The following MEF2A variants were observed in gnomAD, a reference collection of about 807,000 sequenced individuals.
MEF2A encodes myocyte-specific enhancer factor 2A.
In MEF2A, 28 loss-of-function variants were observed where a neutral mutation model predicts 55.8. The ratio of observed to expected loss-of-function variants is 0.50; its 90% CI spans 0.37 to 0.69. The LOEUF (loss-of-function observed/expected upper bound fraction) is 0.69, where lower values mean the gene tolerates loss of function less well. Ranked by LOEUF, MEF2A falls within the 30% of genes least tolerant of loss-of-function variation. The pLI is 0.00. For synonymous variants in MEF2A, 239 were observed against 227.1 expected (o/e 1.05, Z -0.47); for missense variants, 528 against 626.2 (o/e 0.84, Z 1.67).
intron 4 of MEF2A, among the ~76,000 whole-genome samples, chr15:99,661,495 TATAAA>T: frequency 6.6e-6 from 1 of 151,738 alleles, no homozygotes; most frequent in South Asian, 2.1e-4. Flanking sequence ...ATTGACTACT[TATAAA>T]ATAATTACTA....
intron 4 of MEF2A, among the ~76,000 whole-genome samples, chr15:99,647,827 A>C (rs558115882): frequency 5.3e-5 from 8 of 152,162 alleles, no homozygotes; most frequent in African/African-American, 1.9e-4. Context: ...ACATTAGATT[A>C]TTAGGGATTA....
intron 2 of MEF2A, among the ~76,000 whole-genome samples, chr15:99,602,624 G>A (rs1243671054): frequency 2.7e-5 from 4 of 149,728 alleles, no homozygotes; most frequent in South Asian, 2.1e-4. Context: ...CTGCCTGACC[G>A]TCACCTGGTG....
intron 5 of MEF2A, among the ~76,000 whole-genome samples, chr15:99,673,083 G>T (rs1481483027): frequency 6.6e-6 from 1 of 152,156 alleles, no homozygotes; most frequent in Non-Finnish European, 1.5e-5. Context: ...TCCCCTTGGA[G>T]ACACTGAATA....
intron 7 of MEF2A, among the ~76,000 whole-genome samples, chr15:99,680,467 A>T (rs1426450548): frequency 6.6e-6 from 1 of 152,208 alleles, no homozygotes; most frequent in East Asian, 1.9e-4. Flanking sequence ...GTGGCATTGT[A>T]AATTAGTAAC....
intron 2 of MEF2A, among the ~76,000 whole-genome samples, chr15:99,606,586 C>A (rs1227539927): frequency 1.3e-5 from 2 of 151,936 alleles, no homozygotes; most frequent in African/African-American, 4.8e-5. Flanking sequence ...AAAAATACTT[C>A]ACAAAAGAAA....
In MEF2A at chr15:99,579,443, G is replaced by A. The variant is rs528655793; in HGVS notation, c.-225+13339G>A. ...AGAGTCTCACTCTGTCACCCAGGCT[G>A]GAATGCAGTGGCGTGATCTCAGCTC... is the stretch of plus-strand genomic sequence containing the variant. On this transcript the variant is annotated intron_variant, in intron 1 of 11. Transcript: ENST00000557942. 3.9e-5 allele frequency among the ~76,000 whole-genome samples: 6 copies of A among 152,026 alleles called. No individual in the cohort carries two copies. The South Asian group carries it at 1.3e-3, about 32-fold the overall frequency.
At chr15:99,625,873 A>T (rs1327327933) in intron 2 of MEF2A, among the ~76,000 whole-genome samples, 2 of 152,040 alleles carry the variant, frequency 1.3e-5, no homozygotes, top group Non-Finnish European at 2.9e-5. Flanking sequence ...TCAGTTTGCT[A>T]GTATTTTATT....
At chr15:99,683,557 C>A (rs1000314288) in intron 7 of MEF2A, among the ~76,000 whole-genome samples, 3 of 151,982 alleles carry the variant, frequency 2.0e-5, no homozygotes, top group African/African-American at 7.2e-5. Context: ...CAGACATGCA[C>A]CACCATGCCC....
chr15:99,652,515 G>A (rs1237980312), intron 4 of MEF2A, among the ~76,000 whole-genome samples: 3 of 152,168 alleles, frequency 2.0e-5, no homozygotes, highest in African/African-American at 7.2e-5. Flanking sequence ...CTAGGTCAGA[G>A]GGGCAGCTTA....
At chr15:99,627,044 T>G (rs1373377686) in intron 2 of MEF2A, among the ~76,000 whole-genome samples, 1 of 152,130 alleles carries the variant, frequency 6.6e-6, no homozygotes, top group Non-Finnish European at 1.5e-5. Context: ...TGCTAATTTT[T>G]TTTCACCTAG....
chr15:99,691,595 G>C (rs1162735650), intron 8 of MEF2A, among the ~76,000 whole-genome samples: 1 of 152,128 alleles, frequency 6.6e-6, no homozygotes, highest in African/African-American at 2.4e-5. Context: ...CTACTCAGGA[G>C]GCTGAGGCAG....
At chr15:99,685,890 G>A (rs890463797) in intron 7 of MEF2A, among the ~76,000 whole-genome samples, 18 of 152,204 alleles carry the variant, frequency 1.2e-4, no homozygotes, top group Admixed American at 1.3e-4. Context: ...ATTGGTACTA[G>A]TTCTTCTTTG....
intron 10 of MEF2A, among the ~76,000 whole-genome samples, chr15:99,709,608 A>AT (rs1366266601): frequency 1.3e-5 from 2 of 152,220 alleles, no homozygotes; most frequent in African/African-American, 2.4e-5. Flanking sequence ...AGGAAGACCA[A>AT]TTTCTTTAAA....
chr15:99,667,233 T>C (rs2049961216), intron 4 of MEF2A, among the ~76,000 whole-genome samples: 1 of 152,004 alleles, frequency 6.6e-6, no homozygotes, highest in Non-Finnish European at 1.5e-5. Flanking sequence ...TATTTATTTA[T>C]TTATTTGAGA....
chr15:99,571,384 T>C (rs1409706323), intron 1 of MEF2A, among the ~76,000 whole-genome samples: 2 of 152,218 alleles, frequency 1.3e-5, no homozygotes, highest in Non-Finnish European at 2.9e-5. Flanking sequence ...AGGTGTGTAT[T>C]ATAAAGTGCA....
At chr15:99,685,191 T>G (rs1007132381) in intron 7 of MEF2A, among the ~76,000 whole-genome samples, 1 of 152,206 alleles carries the variant, frequency 6.6e-6, no homozygotes, top group Non-Finnish European at 1.5e-5. Flanking sequence ...TTTGGTTCCA[T>G]AGGAATTTTA....
intron 2 of MEF2A, among the ~76,000 whole-genome samples, chr15:99,603,578 T>TGTGTGTGTGTGTGTGTGTGTGTG (rs58996651): frequency 6.6e-6 from 1 of 150,398 alleles, no homozygotes; most frequent in African/African-American, 2.4e-5. Context: ...TGTGTGTGTG[T>TGTGTGTGTGTGTGTGTGTGTGTG]TTGGTAGAGA....
chr15:99,607,705 T>C (rs1292676212), intron 2 of MEF2A, among the ~76,000 whole-genome samples: 1 of 152,216 alleles, frequency 6.6e-6, no homozygotes, highest in Non-Finnish European at 1.5e-5. Context: ...CTCATTTTCA[T>C]TTCTATGCCT....
chr15:99,589,221 G>GA (rs1226280469), intron 1 of MEF2A, among the ~76,000 whole-genome samples: 1 of 152,130 alleles, frequency 6.6e-6, no homozygotes, highest in Non-Finnish European at 1.5e-5. Context: ...TTTAAATTAC[G>GA]AATTTAGTTT....
Sources: allele counts gnomAD v4.1 joint callset (sites outside exome capture counted in the v4.1 genomes callset), GRCh38; gene constraint gnomAD v4.1.1; transcripts MANE v1.5; gene names NCBI Gene and HGNC (gene_info 2026-07-23, HGNC 2026-07-21).